SGCZ: variants seen among roughly 807,000 people sequenced by gnomAD.
SGCZ encodes the protein zeta-sarcoglycan.
Under a neutral mutation model 41.3 loss-of-function variants are expected in SGCZ, and 40 were observed. The observed-to-expected ratio is 0.97, with a 90% CI of 0.75 to 1.26. The LOEUF (loss-of-function observed/expected upper bound fraction) is 1.26. SGCZ is among the 50% of genes most tolerant of loss of function. The pLI is 0.00. For missense variants in SGCZ, 552 were observed against 369.8 expected, an observed-to-expected ratio of 1.49 and a Z score of -4.04; for synonymous variants, 206 against 137.5, an observed-to-expected ratio of 1.50 and a Z score of -3.49.
chr8:14,164,970 T>C (rs1410313360), intron 4 of SGCZ: 1 of 347,104 alleles, frequency 2.9e-6, no homozygotes, highest in Non-Finnish European at 5.4e-6. Context: ...GCCCTTCACA[T>C]ATCCACAAAA....
rs192876712 is a variant in SGCZ at position 14,652,944 on chromosome 8, T to G, written c.40-98018A>C. Among the ~76,000 whole-genome samples the G allele has an allele frequency of 4.3e-3, 656 of 152,144 alleles. 11 individuals carry two copies. Among genetic ancestry groups the G allele is most frequent in the African/African-American group, 0.015 (635 of 41,486 alleles). ...AATATCTTAATTATCATACAAAAATTTTGTGAATATGGATCATGTACATGA... is the reference window on the plus strand; with the variant it reads ...AATATCTTAATTATCATACAAAAATGTTGTGAATATGGATCATGTACATGA... On this transcript the variant is annotated intron_variant, in intron 1 of 7. Transcript: ENST00000382080.
At chr8:14,384,098 A>T (rs757333419) in intron 2 of SGCZ, among the ~76,000 whole-genome samples, 20 of 151,838 alleles carry the variant, frequency 1.3e-4, no homozygotes, top group Non-Finnish European at 2.4e-4. Context: ...TATGTCTCCT[A>T]ATGCTATCCC....
intron 3 of SGCZ, among the ~76,000 whole-genome samples, chr8:14,257,268 C>T (rs1799497917): frequency 6.6e-6 from 1 of 151,876 alleles, no homozygotes; most frequent in Admixed American, 6.6e-5. Context: ...GAGGTTGAGG[C>T]TGCAGTGAAC....
intron 1 of SGCZ, among the ~76,000 whole-genome samples, chr8:15,040,913 TTAAAG>T (rs1563460238): frequency 1.3e-5 from 2 of 152,078 alleles, no homozygotes; most frequent in Non-Finnish European, 2.9e-5. Flanking sequence ...GCTATATAAC[TTAAAG>T]TATATTATTA....
At chr8:14,115,612 G>C (rs797016743) in intron 5 of SGCZ, among the ~76,000 whole-genome samples, 5 of 152,040 alleles carry the variant, frequency 3.3e-5, no homozygotes, top group African/African-American at 9.6e-5. Flanking sequence ...AGATATGATA[G>C]CTGATACTAG....
chr8:14,842,935 G>C (rs1043505419), intron 1 of SGCZ, among the ~76,000 whole-genome samples: 1 of 152,182 alleles, frequency 6.6e-6, no homozygotes, highest in Non-Finnish European at 1.5e-5. Flanking sequence ...ACCCTTGCCT[G>C]GGCACGGTGG....
At chr8:14,784,902 C>CAAAAAAAAAAAAA (rs1182679983) in intron 1 of SGCZ, among the ~76,000 whole-genome samples, 649 of 39,362 alleles carry the variant, frequency 0.016, 52 homozygotes, top group Admixed American at 0.025. Context: ...AACTCTGCCT[C>CAAAAAAAAAAAAA]AAAAAAAAAA....
At chr8:14,850,760 C>T (rs966191470) in intron 1 of SGCZ, among the ~76,000 whole-genome samples, 16 of 152,068 alleles carry the variant, frequency 1.1e-4, no homozygotes, top group Admixed American at 3.9e-4. Context: ...GCAGTTTCCC[C>T]ACCGCTGTTC....
intron 1 of SGCZ, among the ~76,000 whole-genome samples, chr8:15,175,076 G>C (rs1198559600): frequency 1.3e-5 from 2 of 151,908 alleles, no homozygotes; most frequent in African/African-American, 2.4e-5. Context: ...TAACAAACCT[G>C]CACATTCTGC....
chr8:14,967,428 G>A (rs1801158134), intron 1 of SGCZ, among the ~76,000 whole-genome samples: 1 of 152,026 alleles, frequency 6.6e-6, no homozygotes, highest in Non-Finnish European at 1.5e-5. Context: ...TTTTCCTCAG[G>A]TGATCCCATG....
chr8:14,521,941 T>G (rs1205539441), intron 2 of SGCZ, among the ~76,000 whole-genome samples: 2 of 152,118 alleles, frequency 1.3e-5, no homozygotes, highest in African/African-American at 4.8e-5. Context: ...TCTCTATTAC[T>G]CCTTTTCTGA....
At chr8:14,304,449 C>G (rs1402815456) in intron 3 of SGCZ, among the ~76,000 whole-genome samples, 9 of 151,928 alleles carry the variant, frequency 5.9e-5, no homozygotes, top group Non-Finnish European at 1.3e-4. Flanking sequence ...CAAAAATTAG[C>G]CAGGCATGGT....
chr8:14,190,018 T>C (rs370294617), intron 4 of SGCZ, among the ~76,000 whole-genome samples: 1 of 134,964 alleles, frequency 7.4e-6, no homozygotes, highest in Non-Finnish European at 1.6e-5. Context: ...TTCTTTCTTT[T>C]TTTTTTTTTT....
intron 1 of SGCZ, among the ~76,000 whole-genome samples, chr8:14,621,726 T>C (rs1806292799): frequency 6.6e-6 from 1 of 151,950 alleles, no homozygotes; most frequent in African/African-American, 2.4e-5. Flanking sequence ...TCAGTCAGTA[T>C]CAGGAAGACA....
At chr8:14,417,303 G>C (rs1253932091) in intron 2 of SGCZ, among the ~76,000 whole-genome samples, 2 of 151,896 alleles carry the variant, frequency 1.3e-5, no homozygotes, top group Non-Finnish European at 2.9e-5. Flanking sequence ...GTTCTAGGCA[G>C]TGAGGCATAC....
At chr8:14,636,212 T>G (rs78041224) in intron 1 of SGCZ, among the ~76,000 whole-genome samples, 16,899 of 151,912 alleles carry the variant, frequency 0.11, 1,132 homozygotes, top group African/African-American at 0.2. Context: ...AGCTGAATTT[T>G]GTTATAGAGA....
rs576413241 is a variant in SGCZ at position 14,233,256 on chromosome 8, A to C, written c.424+4336T>G. ...TAGTTTTTAGCTATTACTTCATCAA[A>C]AATAAAAGATATTTTGTAATATAAG... On this transcript the variant is annotated intron_variant, in intron 4 of 7. Coordinates refer to ENST00000382080, the MANE Select transcript of SGCZ (RefSeq NM_139167.4). Among the ~76,000 whole-genome samples, 4 of 152,116 alleles carry C rather than the reference A, an allele frequency of 2.6e-5. No homozygotes were observed. In the East Asian group the frequency reaches 7.7e-4, roughly 29 times the overall value.
intron 4 of SGCZ, among the ~76,000 whole-genome samples, chr8:14,217,312 A>G (rs1426453405): frequency 6.6e-6 from 1 of 151,248 alleles, no homozygotes; most frequent in Non-Finnish European, 1.5e-5. Context: ...AAAAAAAAAA[A>G]AAAAAGCTCT....
chr8:14,570,655 G>C (rs1804522904), intron 1 of SGCZ, among the ~76,000 whole-genome samples: 1 of 152,030 alleles, frequency 6.6e-6, no homozygotes, highest in African/African-American at 2.4e-5. Context: ...TGACTTTCAA[G>C]AATTTAAATC....
Sources: allele counts gnomAD v4.1 joint callset (sites outside exome capture counted in the v4.1 genomes callset), GRCh38; gene constraint gnomAD v4.1.1; transcripts MANE v1.5; gene names NCBI Gene and HGNC (gene_info 2026-07-23, HGNC 2026-07-21).